BRD9: variants seen among roughly 807,000 people sequenced by gnomAD.
BRD9 encodes the protein bromodomain-containing protein 9.
In BRD9, 47 loss-of-function variants were observed where a neutral mutation model predicts 68.7. That is an observed-to-expected ratio of 0.68 (90% confidence interval 0.54 to 0.87). The LOEUF (loss-of-function observed/expected upper bound fraction) is 0.87, where lower values mean the gene tolerates loss of function less well. Ranked by LOEUF, BRD9 falls within the 40% of genes least tolerant of loss-of-function variation. BRD9 has a pLI of 0.00. For synonymous variants in BRD9, 313 were observed against 293.9 expected (o/e 1.06, Z -0.67); for missense variants, 670 against 748.4 (o/e 0.90, Z 1.22).
intron 15 of BRD9, among the ~76,000 whole-genome samples, chr5:864,851 A>C (rs1479437318): frequency 6.6e-6 from 1 of 152,138 alleles, no homozygotes; most frequent in East Asian, 1.9e-4. Flanking sequence ...CAGTTCCCAA[A>C]GTCATACTGG....
intron 7 of BRD9, among the ~76,000 whole-genome samples, chr5:884,911 G>C (rs1185731993): frequency 6.6e-6 from 1 of 152,234 alleles, no homozygotes; most frequent in African/African-American, 2.4e-5. Context: ...GCCTGAGCTC[G>C]GCACGCTCTC....
chr5:891,426 C>A, intron 2 of BRD9, 139 bp from the exon 3 acceptor site: 1 of 1,369,928 alleles, frequency 7.3e-7, no homozygotes, highest in African/African-American at 1.5e-5. Flanking sequence ...GCCAGGCTCC[C>A]TCCTCACAGA....
chr5:890,216 T>C (rs1753159872), intron 3 of BRD9, among the ~76,000 whole-genome samples: 1 of 151,942 alleles, frequency 6.6e-6, no homozygotes. Context: ...AAAAAGAAAG[T>C]GCCTGAAGAG....
chr5:889,780 G>C (rs771672017), intron 3 of BRD9, 133 bp from the exon 4 acceptor site: 2 of 1,499,754 alleles, frequency 1.3e-6, no homozygotes, highest in Non-Finnish European at 1.8e-6. Context: ...GGGATATAAA[G>C]ATACATCCGA....
chr5:875,963 C>T (rs1750848781), intron 12 of BRD9, 138 bp downstream of exon 12: 2 of 619,340 alleles, frequency 3.2e-6, no homozygotes, highest in African/African-American at 1.8e-5. Context: ...GAGAAGCACG[C>T]AGATCCTGAC....
chr5:881,053 G>A, intron 9 of BRD9, 54 bp downstream of exon 9: 1 of 1,548,686 alleles, frequency 6.5e-7, no homozygotes, highest in Non-Finnish European at 8.9e-7. Context: ...TATCAACGGA[G>A]GCCCAAAAAG....
chr5:869,341 G>C (rs1047844343), intron 14 of BRD9: 2 of 456,076 alleles, frequency 4.4e-6, no homozygotes, highest in African/African-American at 4.0e-5. Context: ...GTGGTAATAA[G>C]ACACCAAATT....
intron 8 of BRD9, chr5:882,376 A>G: frequency 6.6e-6 from 1 of 152,070 alleles, no homozygotes; most frequent in Non-Finnish European, 1.4e-5. Flanking sequence ...CCTCCAGCAC[A>G]CAAGCCACAT....
At chr5:872,783 G>A (rs919610331) in intron 12 of BRD9, among the ~76,000 whole-genome samples, 4 of 152,226 alleles carry the variant, frequency 2.6e-5, no homozygotes, top group South Asian at 2.1e-4. Context: ...GTAAATCAGC[G>A]ACTTGATAAG....
Position 875,872 on chromosome 5 carries a change from G to A in BRD9, c.1383+229C>T, listed in dbSNP as rs370969499. 6.1e-4 allele frequency among the ~76,000 whole-genome samples: 93 copies of A among 152,358 alleles called. 2 individuals carry two copies. In the South Asian group the frequency reaches 7.9e-3, roughly 13 times the overall value. ...AAGGAAAGTGACAGAGATGAAAGAT[G>A]AAGATGGAAATAGAGAGTTACGAGT... On this transcript the variant is annotated intron_variant, in intron 12 of 15. Transcript: ENST00000467963.
chr5:886,850 G>A, intron 6 of BRD9, 143 bp from the exon 7 acceptor site: 7 of 1,417,902 alleles, frequency 4.9e-6, no homozygotes, highest in Non-Finnish European at 6.7e-6. Context: ...GGATGGGGAT[G>A]GTCACAGCCT....
chr5:869,654 G>C (rs181350733), intron 14 of BRD9, among the ~76,000 whole-genome samples: 1 of 152,252 alleles, frequency 6.6e-6, no homozygotes, highest in East Asian at 1.9e-4. Context: ...CAAGAACCTT[G>C]GCTTCTACAA....
At chr5:875,024 C>T (rs779100332) in intron 12 of BRD9, among the ~76,000 whole-genome samples, 4 of 152,180 alleles carry the variant, frequency 2.6e-5, no homozygotes, top group Non-Finnish European at 5.9e-5. Flanking sequence ...ACAACAAATG[C>T]TAAGTAGAAC....
rs73733913 is a variant in BRD9 at position 876,010 on chromosome 5, G to A, written c.1383+91C>T. The A allele has an allele frequency of 0.011, 9,585 of 849,938 alleles. 499 individuals carry two copies. The African/African-American group carries it at 0.13, about 11-fold the overall frequency. 52.6% of individuals were successfully genotyped at this position (849,938 alleles called of 1,614,324 possible). On this transcript the variant is annotated intron_variant, in intron 12 of 15. Transcript: ENST00000467963. The stretch of plus-strand genomic sequence containing the variant: ...AGCAGAGTCCCTGCGACAGCTCCTC[G>A]TCCCCGAAAGCCTGGTCAGGCTGCA...
chr5:892,428 C>T (rs1753588206), intron 1 of BRD9, 178 bp downstream of exon 1: 5 of 1,360,402 alleles, frequency 3.7e-6, no homozygotes, highest in South Asian at 3.1e-5. Context: ...TACCCAGGAC[C>T]CCTCACGTGT....
At position 891,266 on chromosome 5, in the gene BRD9, C is replaced by G; in HGVS notation, c.289G>C (p.Glu97Gln). Residue 97 changes from glutamate (E) to glutamine (Q), a missense_variant, in exon 3 of 16, where the codon GAG (glutamate) becomes CAG (glutamine). Physicochemically the swap from Glu to Gln is conservative, Grantham distance 29 (BLOSUM62 2). Coordinates refer to ENST00000467963, the MANE Select transcript of BRD9 (RefSeq NM_023924.5). ...CCCTCCGTGTCACAGTGCTCCCTCTCTCGCTTCCGCTTCTTCTCTTCCTGG... is the reference window on the plus strand; with the variant it reads ...CCCTCCGTGTCACAGTGCTCCCTCTGTCGCTTCCGCTTCTTCTCTTCCTGG... ...KRKEEKKRKR[E>Q]REHCDTEGEA... 6.4e-7 allele frequency: 1 copy of G among 1,551,676 alleles called. No individual in the cohort carries two copies. The highest frequency in any genetic ancestry group is 8.7e-7 in the Non-Finnish European group (1 of 1,146,940).
At chr5:871,413 G>A (rs1193777123) in intron 13 of BRD9, 113 bp downstream of exon 13, 5 of 918,818 alleles carry the variant, frequency 5.4e-6, no homozygotes, top group Non-Finnish European at 7.2e-6. Flanking sequence ...GATCAGAAAC[G>A]GACTCCATTT....
intron 14 of BRD9, among the ~76,000 whole-genome samples, chr5:868,380 A>G (rs1749661758): frequency 6.6e-6 from 1 of 152,256 alleles, no homozygotes; most frequent in Non-Finnish European, 1.5e-5. Flanking sequence ...GCTGCTGAGA[A>G]GTAGTAATAA....
chr5:887,881 G>A (rs555502395), intron 5 of BRD9, among the ~76,000 whole-genome samples: 25 of 152,222 alleles, frequency 1.6e-4, no homozygotes, highest in Non-Finnish European at 3.2e-4. Context: ...TTTCTCCACA[G>A]AATCGAATTT....
Sources: gnomAD v4.1 joint callset for allele counts (sites outside exome capture counted in the v4.1 genomes callset) on GRCh38, gnomAD v4.1.1 for gene constraint, MANE v1.5 for transcripts, NCBI Gene and HGNC (gene_info 2026-07-23, HGNC 2026-07-21) for gene names.